Variants in COL9A1 observed in about 807,000 individuals in gnomAD.
COL9A1 encodes collagen alpha-1(IX) chain.
A neutral mutation model predicts 142.6 loss-of-function variants in COL9A1; 104 were observed. The ratio of observed to expected loss-of-function variants is 0.73; its 90% CI spans 0.62 to 0.86. The LOEUF (loss-of-function observed/expected upper bound fraction) is 0.86, where lower values mean the gene tolerates loss of function less well. COL9A1 is among the 40% of genes least tolerant of loss of function. The pLI, the probability that COL9A1 is intolerant of heterozygous loss-of-function variation, is 0.00. For missense variants in COL9A1, 1,210 were observed against 1,176.6 expected (o/e 1.03, Z -0.42); for synonymous variants, 466 against 396.0 (o/e 1.18, Z -2.10).
At chr6:70,255,298 G>A in intron 22 of COL9A1, 39 bp downstream of exon 22, 1 of 1,612,128 alleles carries the variant, frequency 6.2e-7, no homozygotes, top group Non-Finnish European at 8.5e-7. Context: ...AGATGACACT[G>A]AAAAGCAGGA....
intron 6 of COL9A1, chr6:70,283,276 G>C (rs1773292577): frequency 2.1e-6 from 3 of 1,415,928 alleles, no homozygotes; most frequent in Non-Finnish European, 2.8e-6. Flanking sequence ...GGGCAGGGGA[G>C]GACGGATAGA....
Position 70,274,751 on chromosome 6 carries a change from A to T in COL9A1, c.997T>A (p.Ser333Thr), listed in dbSNP as rs1772642922. The stretch of plus-strand genomic sequence containing the variant: ...CCCTTTGACCCAATGGAGCCAGGGG[A>T]TCCATCAGGTCCTGTTAATCCCTAA... ...GADGLTGPDG[S>T]PGSIGSKGQK... Residue 333 changes from serine to threonine, a missense_variant, in exon 11 of 38, where the codon TCC (serine) becomes ACC (threonine). Coordinates refer to ENST00000357250, the MANE Select transcript of COL9A1 (RefSeq NM_001851.6). The T allele has an allele frequency of 6.2e-7, 1 of 1,612,736 alleles. No individual in the cohort carries two copies. Among genetic ancestry groups the T allele is most frequent in the South Asian group, 1.1e-5 (1 of 91,060 alleles).
At chr6:70,288,857 T>C (rs1331232989) in intron 5 of COL9A1, among the ~76,000 whole-genome samples, 1 of 152,200 alleles carries the variant, frequency 6.6e-6, no homozygotes, top group Non-Finnish European at 1.5e-5. Flanking sequence ...ATCCTCCACA[T>C]ATACTTATGT....
chr6:70,297,718 A>G (rs1773895024), intron 4 of COL9A1, among the ~76,000 whole-genome samples: 1 of 152,188 alleles, frequency 6.6e-6, no homozygotes, highest in Non-Finnish European at 1.5e-5. Flanking sequence ...AAGATTAAAT[A>G]GTCTTTGGAC....
At chr6:70,270,583 A>G (rs934312382) in intron 14 of COL9A1, among the ~76,000 whole-genome samples, 2 of 152,220 alleles carry the variant, frequency 1.3e-5, no homozygotes, top group Non-Finnish European at 2.9e-5. Flanking sequence ...GTAATAAAAC[A>G]AGTCAGAGAG....
In COL9A1 at chr6:70,232,834, A is replaced by G. The variant is rs182052281; in HGVS notation, c.2315-63T>C. On this transcript the variant is annotated intron_variant, in intron 35 of 37. Transcript: ENST00000357250. ...AAACATAAAAGTTATTCTAATGAAA[A>G]GAGAGGTATTCCAAATGCCTTTTTT... 296 of 1,509,626 alleles carry G rather than the reference A, an allele frequency of 2.0e-4. 1 individual carries two copies. The African/African-American group carries it at 3.7e-3, about 19-fold the overall frequency. 93.5% of individuals were successfully genotyped at this position (1,509,626 alleles called of 1,614,324 possible). A position where few individuals can be genotyped will look rare whatever the true frequency, so the allele number is the denominator to read the frequency against.
chr6:70,261,538 G>A (rs1254042457), intron 19 of COL9A1, among the ~76,000 whole-genome samples: 2 of 152,132 alleles, frequency 1.3e-5, no homozygotes, highest in Non-Finnish European at 2.9e-5. Context: ...AGGAGCTCTA[G>A]GCCAGCATTT....
At chr6:70,220,571 A>G (rs1768819411) in intron 37 of COL9A1, among the ~76,000 whole-genome samples, 1 of 149,858 alleles carries the variant, frequency 6.7e-6, no homozygotes, top group African/African-American at 2.5e-5. Flanking sequence ...CCAGAGAAAA[A>G]AAAACAGCCT....
intron 36 of COL9A1, among the ~76,000 whole-genome samples, chr6:70,230,918 TCAAA>T (rs1769498409): frequency 1.3e-5 from 2 of 152,170 alleles, no homozygotes; most frequent in African/African-American, 2.4e-5. Context: ...TGTTACTAGC[TCAAA>T]CAAAGTTAAG....
intron 19 of COL9A1, among the ~76,000 whole-genome samples, chr6:70,261,923 T>C (rs1234227166): frequency 6.6e-6 from 1 of 152,184 alleles, no homozygotes; most frequent in East Asian, 1.9e-4. Flanking sequence ...TGCATGTACA[T>C]TTAAAAAGTA....
At chr6:70,247,842 C>G (rs1770699023) in intron 28 of COL9A1, among the ~76,000 whole-genome samples, 1 of 152,150 alleles carries the variant, frequency 6.6e-6, no homozygotes, top group Non-Finnish European at 1.5e-5. Flanking sequence ...CACACATCAG[C>G]TTCACAAATT....
At chr6:70,246,313 T>C (rs988578052) in intron 28 of COL9A1, 1 of 151,976 alleles carries the variant, frequency 6.6e-6, no homozygotes, top group Non-Finnish European at 1.5e-5. Flanking sequence ...TGACCCGAGA[T>C]TGCATCACTG....
intron 10 of COL9A1, among the ~76,000 whole-genome samples, chr6:70,278,136 T>G (rs1267096856): frequency 6.6e-6 from 1 of 152,224 alleles, no homozygotes; most frequent in African/African-American, 2.4e-5. Context: ...AACCAATATT[T>G]ATAAGTAATT....
At chr6:70,284,736 G>C (rs1773378050) in intron 5 of COL9A1, among the ~76,000 whole-genome samples, 1 of 152,182 alleles carries the variant, frequency 6.6e-6, no homozygotes, top group South Asian at 2.1e-4. Context: ...CTTTCTGCTA[G>C]GCATTTCAAA....
At position 70,273,972 on chromosome 6, in the gene COL9A1, T is replaced by TAAATAAATAAAA. The variant is rs763708723; in HGVS notation, c.1065+74_1065+75insTTTTATTTATTT. ...ATAAATAAATAAATAAATAAATAAA[T>TAAATAAATAAAA]AAAAAGATTTCACAATGGCAGAATT... On this transcript the variant is annotated intron_variant, in intron 12 of 37. Transcript: ENST00000357250. The TAAATAAATAAAA allele has an allele frequency of 1.2e-3, 816 of 699,210 alleles. 3 individuals are homozygous for TAAATAAATAAAA. In the African/African-American group the frequency reaches 0.015, roughly 13 times the overall value. 43.3% of individuals were successfully genotyped at this position (699,210 alleles called of 1,614,324 possible).
intron 17 of COL9A1, 62 bp downstream of exon 17, chr6:70,268,742 A>G: frequency 1.3e-6 from 2 of 1,482,298 alleles, no homozygotes; most frequent in Non-Finnish European, 1.9e-6. Context: ...CTAATGCTTA[A>G]AGTAAAGGCT....
chr6:70,279,858 C>T lies in COL9A1; in HGVS notation c.975+954G>A, dbSNP rs76278276. ...CTTGGAAATCATAATTATAGGTTTT[C>T]GAGTGCTTTCTTTCATTTAGAAAAG... On this transcript the variant is annotated intron_variant, in intron 10 of 37. Coordinates refer to ENST00000357250, the MANE Select transcript of COL9A1 (RefSeq NM_001851.6). The T allele has an allele frequency of 1.1e-3, 512 of 465,150 alleles. 4 individuals carry two copies. The highest frequency in any genetic ancestry group is 7.5e-3 in the African/African-American group (379 of 50,822). 28.8% of individuals were successfully genotyped at this position (465,150 alleles called of 1,614,324 possible).
chr6:70,234,499 G>A (rs1001165386), intron 35 of COL9A1, 40 bp downstream of exon 35: 13 of 1,600,750 alleles, frequency 8.1e-6, no homozygotes, highest in Non-Finnish European at 1.1e-5. Context: ...AGAAACAAGA[G>A]TTGATGGTGG....
intron 28 of COL9A1, chr6:70,246,188 T>G (rs1251715812): frequency 6.6e-6 from 1 of 151,902 alleles, no homozygotes; most frequent in African/African-American, 2.4e-5. Flanking sequence ...GCCAACATGG[T>G]CAAACCCCTG....
Sources: gnomAD v4.1 joint callset for allele counts (sites outside exome capture counted in the v4.1 genomes callset) on GRCh38, gnomAD v4.1.1 for gene constraint, MANE v1.5 for transcripts, NCBI Gene and HGNC (gene_info 2026-07-23, HGNC 2026-07-21) for gene names.